The following QTMAN variants were observed in gnomAD, a reference collection of about 807,000 sequenced individuals.
QTMAN encodes the protein queuosine-tRNA mannosyltransferase, also known as tRNA-queuosine alpha-mannosyltransferase.
the QTMAN span, among the ~76,000 whole-genome samples, chr2:144,032,666 T>A: frequency 6.6e-6 from 1 of 152,100 alleles, no homozygotes; most frequent in Non-Finnish European, 1.5e-5. Flanking sequence ...AAGAAGTACA[T>A]AAAGTGGTGG....
At chr2:144,133,426 A>AT in the QTMAN span, among the ~76,000 whole-genome samples, 1 of 45,230 alleles carries the variant, frequency 2.2e-5, no homozygotes, top group African/African-American at 1.5e-4. Context: ...TATAATATAT[A>AT]TAATATATAA....
chr2:144,175,667 T>A, the QTMAN span, among the ~76,000 whole-genome samples: 2 of 149,806 alleles, frequency 1.3e-5, no homozygotes, highest in Admixed American at 1.3e-4. Context: ...ATATATATAT[T>A]TACAGAGAGA....
At chr2:144,058,944 A>C in the QTMAN span, among the ~76,000 whole-genome samples, 3 of 152,172 alleles carry the variant, frequency 2.0e-5, no homozygotes. Context: ...ATAACCTGAT[A>C]GTTTTCTCCA....
chr2:144,081,697 A>G, the QTMAN span, among the ~76,000 whole-genome samples: 1 of 152,264 alleles, frequency 6.6e-6, no homozygotes, highest in African/African-American at 2.4e-5. Flanking sequence ...TGCGGGGAAC[A>G]GGAGGGAGAC....
chr2:144,036,376 T>C, the QTMAN span, among the ~76,000 whole-genome samples: 2 of 152,320 alleles, frequency 1.3e-5, no homozygotes, highest in South Asian at 2.1e-4. Flanking sequence ...TCTTTATTAA[T>C]TGACAAAAGA....
the QTMAN span, among the ~76,000 whole-genome samples, chr2:144,267,172 T>A: frequency 6.6e-6 from 1 of 152,204 alleles, no homozygotes; most frequent in East Asian, 1.9e-4. Flanking sequence ...ACTCTGAGAA[T>A]CACCGGCAAT....
chr2:143,983,090 T>G, the QTMAN span, among the ~76,000 whole-genome samples: 4 of 152,150 alleles, frequency 2.6e-5, no homozygotes, highest in Non-Finnish European at 5.9e-5. Context: ...ACATGAACAA[T>G]AAAGCTTAGT....
At chr2:143,984,426 G>A in the QTMAN span, among the ~76,000 whole-genome samples, 1 of 152,192 alleles carries the variant, frequency 6.6e-6, no homozygotes, top group Non-Finnish European at 1.5e-5. Context: ...GGTACTCCTT[G>A]AGTGCAAGAC....
At chr2:144,093,419 C>G in the QTMAN span, among the ~76,000 whole-genome samples, 270 of 152,260 alleles carry the variant, frequency 1.8e-3, 1 homozygote, top group Non-Finnish European at 2.8e-3. Flanking sequence ...GCAAAGCAAT[C>G]AATCATCTTG....
the QTMAN span, among the ~76,000 whole-genome samples, chr2:144,232,630 A>G: frequency 6.6e-6 from 1 of 152,204 alleles, no homozygotes; most frequent in Non-Finnish European, 1.5e-5. Flanking sequence ...CTATAAAAAC[A>G]TATTCTGACT....
chr2:144,307,165 AAAAAAAAAAAAAAAAAAACAATT>A, the QTMAN span, among the ~76,000 whole-genome samples: 2 of 92,306 alleles, frequency 2.2e-5, no homozygotes, highest in Non-Finnish European at 5.8e-5. Flanking sequence ...GTCTTAAAAA[AAAAAAAAAAAAAAAAAAACAATT>A]AAAAAAAAAA....
the QTMAN span, among the ~76,000 whole-genome samples, chr2:144,054,936 T>C: frequency 6.6e-6 from 1 of 152,216 alleles, no homozygotes; most frequent in African/African-American, 2.4e-5. Context: ...TTTAAAGATA[T>C]GGTTTTATAA....
the QTMAN span, among the ~76,000 whole-genome samples, chr2:144,092,018 A>G: frequency 2.0e-5 from 3 of 152,188 alleles, no homozygotes; most frequent in African/African-American, 4.8e-5. Flanking sequence ...GCAGTGCCAG[A>G]GAATGTGAAT....
At chr2:143,970,697 T>C in the QTMAN span, 1 of 1,611,172 alleles carries the variant, frequency 6.2e-7, no homozygotes, top group African/African-American at 1.3e-5. Flanking sequence ...CACGTGGAAA[T>C]TGAGTCCTAA....
At chr2:144,239,951 C>A in the QTMAN span, among the ~76,000 whole-genome samples, 5 of 152,168 alleles carry the variant, frequency 3.3e-5, no homozygotes, top group African/African-American at 1.2e-4. Context: ...ACTAAAGGAA[C>A]AAATCAGCTA....
the QTMAN span, among the ~76,000 whole-genome samples, chr2:144,225,917 A>G: frequency 6.6e-6 from 1 of 152,218 alleles, no homozygotes; most frequent in African/African-American, 2.4e-5. Context: ...TTTATGTACA[A>G]TTCATGTTTG....
chr2:144,178,072 G>GTT, the QTMAN span, among the ~76,000 whole-genome samples: 3 of 152,122 alleles, frequency 2.0e-5, no homozygotes, highest in African/African-American at 7.2e-5. Context: ...GTTCACCACC[G>GTT]TTTATCCAGT....
the QTMAN span, among the ~76,000 whole-genome samples, chr2:144,173,575 C>G: frequency 6.6e-6 from 1 of 152,158 alleles, no homozygotes; most frequent in Non-Finnish European, 1.5e-5. Flanking sequence ...CCAACTGACC[C>G]TCAGTTAAGA....
chr2:143,959,067 A>G, the QTMAN span, among the ~76,000 whole-genome samples: 38 of 152,010 alleles, frequency 2.5e-4, 1 homozygote, highest in Non-Finnish European at 4.0e-4. Context: ...AGTTTAATCA[A>G]TCAATAAGCA....
Sources: allele counts gnomAD v4.1 joint callset (sites outside exome capture counted in the v4.1 genomes callset), GRCh38; gene constraint gnomAD v4.1.1; transcripts MANE v1.5; gene names NCBI Gene and HGNC (gene_info 2026-07-23, HGNC 2026-07-21).